P4HA2: variants seen among roughly 807,000 people sequenced by gnomAD.
P4HA2 encodes prolyl 4-hydroxylase subunit alpha 2.
A neutral mutation model predicts 76.9 loss-of-function variants in P4HA2; 46 were observed. The ratio of observed to expected loss-of-function variants is 0.60; its 90% confidence interval spans 0.47 to 0.76. The LOEUF (loss-of-function observed/expected upper bound fraction) is 0.76, where lower values mean the gene tolerates loss of function less well. Among genes scored for constraint, P4HA2 ranks in the 30% least tolerant of loss-of-function variants. P4HA2 has a pLI of 0.00. For synonymous variants in P4HA2, 243 were observed against 254.0 expected (o/e 0.96, Z 0.41); for missense variants, 583 against 669.4 (o/e 0.87, Z 1.42).
In P4HA2 at chr5:132,190,677, TA is replaced by T. The variant is rs1749826966; in HGVS notation, c.*2332del. ...TTGGGGTATAGAAGGATTTCTCAAATAAGACATAAAAAACATAAATCAAAAA... is the reference window on the plus strand; with the variant it reads ...TTGGGGTATAGAAGGATTTCTCAAATAGACATAAAAAACATAAATCAAAAA... On this transcript the variant is annotated 3_prime_UTR_variant, in exon 15 of 15. Transcript: ENST00000360568. Among the ~76,000 whole-genome samples the T allele has an allele frequency of 6.6e-6, 1 of 151,994 alleles. No individual in the cohort carries two copies. Among genetic ancestry groups the T allele is most frequent in the African/African-American group, 2.4e-5 (1 of 41,384 alleles).
At chr5:132,194,169 A>G (rs1750252658) in intron 14 of P4HA2, among the ~76,000 whole-genome samples, 1 of 152,144 alleles carries the variant, frequency 6.6e-6, no homozygotes, top group African/African-American at 2.4e-5. Context: ...AGTAATACTC[A>G]GTGTGTACAT....
chr5:132,204,925 C>T (rs1279586432), intron 8 of P4HA2, among the ~76,000 whole-genome samples: 1 of 152,186 alleles, frequency 6.6e-6, no homozygotes, highest in Non-Finnish European at 1.5e-5. Flanking sequence ...CCAGAGCCAG[C>T]CAACATGGCA....
At position 132,192,873 on chromosome 5, in the gene P4HA2, A is replaced by G. The variant is rs1330584627; in HGVS notation, c.*137T>C. 4 of 662,252 alleles carry G rather than the reference A, an allele frequency of 6.0e-6. No homozygotes were observed. The highest frequency in any genetic ancestry group is 2.3e-5 in the Admixed American group (1 of 44,378). 41.0% of individuals were successfully genotyped at this position (662,252 alleles called of 1,614,324 possible). A position where few individuals can be genotyped will look rare whatever the true frequency, so the allele number is the denominator to read the frequency against. Reference sequence around the variant, plus strand: ...TCAGTCACACAGGAGTCGCCCTAGTATGGTCTCCCTCTGCTCCAGACAAAC... The same window carrying G: ...TCAGTCACACAGGAGTCGCCCTAGTGTGGTCTCCCTCTGCTCCAGACAAAC... On this transcript the variant is annotated 3_prime_UTR_variant, in exon 15 of 15. Transcript: ENST00000360568.
At chr5:132,226,151 T>C (rs1194946547) in intron 1 of P4HA2, among the ~76,000 whole-genome samples, 2 of 152,182 alleles carry the variant, frequency 1.3e-5, no homozygotes, top group African/African-American at 4.8e-5. Context: ...TCCTAGTTCA[T>C]TTAACAGAGA....
intron 9 of P4HA2, 109 bp downstream of exon 9, chr5:132,203,973 G>T: frequency 8.8e-7 from 1 of 1,137,266 alleles, no homozygotes; most frequent in Non-Finnish European, 1.3e-6. Flanking sequence ...GCAAGGGGGT[G>T]AGGAGGTGCC....
chr5:132,211,816 T>G (rs1007744662), intron 5 of P4HA2, among the ~76,000 whole-genome samples: 17 of 152,334 alleles, frequency 1.1e-4, no homozygotes, highest in African/African-American at 4.1e-4. Flanking sequence ...TATCTAAGTC[T>G]CAGTCCCCTT....
intron 5 of P4HA2, among the ~76,000 whole-genome samples, chr5:132,213,147 G>A (rs1484371389): frequency 2.6e-5 from 4 of 152,184 alleles, no homozygotes; most frequent in Non-Finnish European, 5.9e-5. Context: ...AAGGAGGAGA[G>A]AACATCACAA....
chr5:132,217,722 C>T, intron 3 of P4HA2, 30 bp downstream of exon 3: 1 of 1,334,400 alleles, frequency 7.5e-7, no homozygotes, highest in South Asian at 1.2e-5. Context: ...GAAGGAAGGC[C>T]AACTAAGGAT....
chr5:132,212,900 C>T (rs955854154), intron 5 of P4HA2, among the ~76,000 whole-genome samples: 1 of 152,158 alleles, frequency 6.6e-6, no homozygotes, highest in Admixed American at 6.5e-5. Context: ...CTTGCAGGTG[C>T]CCTGAACTGC....
At chr5:132,207,469 G>A (rs1309387020) in intron 8 of P4HA2, among the ~76,000 whole-genome samples, 1 of 152,104 alleles carries the variant, frequency 6.6e-6, no homozygotes, top group Non-Finnish European at 1.5e-5. Flanking sequence ...CCTGTTCCCA[G>A]CGTGACCTTC....
In P4HA2 at chr5:132,217,814, C is replaced by T. The variant is rs1754133597; in HGVS notation, c.117G>A (p.Glu39=). ...TGTACTCTTTCAGAGACTGCACCAG[C>T]TCTTTCTCTGCATAAATCAGGTCAG... ...HMTDLIYAEK[E]LVQSLKEYIL... The change falls in exon 3 of 15, where the codon GAG becomes GAA. Residue 39 remains glutamate, a synonymous_variant. Coordinates refer to ENST00000360568, the MANE Select transcript of P4HA2 (RefSeq NM_001017974.2). The T allele has an allele frequency of 3.1e-6, 5 of 1,613,108 alleles. No individual in the cohort carries two copies. The highest frequency in any genetic ancestry group is 1.3e-5 in the African/African-American group (1 of 75,032).
intron 10 of P4HA2, chr5:132,203,492 T>C (rs1751788280): frequency 2.0e-6 from 1 of 489,148 alleles, no homozygotes; most frequent in South Asian, 2.4e-5. Context: ...GAACCTACCA[T>C]AACTACCCCT....
intron 1 of P4HA2, among the ~76,000 whole-genome samples, chr5:132,220,710 T>C (rs1399591002): frequency 6.6e-6 from 1 of 152,252 alleles, no homozygotes; most frequent in Non-Finnish European, 1.5e-5. Flanking sequence ...TGGCTTAGAC[T>C]GAGCCCATTC....
In P4HA2 at chr5:132,191,780, G is replaced by A. The variant is rs1749944339; in HGVS notation, c.*1230C>T. 1 of 152,104 alleles carries A rather than the reference G, an allele frequency of 6.6e-6. No individual in the cohort carries two copies. The highest frequency in any genetic ancestry group is 2.1e-4 in the South Asian group (1 of 4,832). 9.4% of individuals were successfully genotyped at this position (152,104 alleles called of 1,614,324 possible). On this transcript the variant is annotated 3_prime_UTR_variant, in exon 15 of 15. Coordinates refer to ENST00000360568, the MANE Select transcript of P4HA2 (RefSeq NM_001017974.2). ...CCTACAGAAATATGTGTTTATATGT[G>A]CACCAGGAATCATGTATAAAAATGT...
chr5:132,211,343 T>C (rs1266535155), intron 5 of P4HA2, among the ~76,000 whole-genome samples: 1 of 152,110 alleles, frequency 6.6e-6, no homozygotes, highest in Non-Finnish European at 1.5e-5. Flanking sequence ...CCTCAGAGAA[T>C]AATGAGAAAG....
At chr5:132,216,889 G>A (rs962471298) in intron 4 of P4HA2, among the ~76,000 whole-genome samples, 9 of 151,970 alleles carry the variant, frequency 5.9e-5, no homozygotes, top group African/African-American at 1.5e-4. Flanking sequence ...TGTGTTTTCC[G>A]ACTTTTCTAT....
chr5:132,206,725 C>T (rs1322088827), intron 8 of P4HA2, among the ~76,000 whole-genome samples: 2 of 152,178 alleles, frequency 1.3e-5, no homozygotes, highest in East Asian at 3.8e-4. Flanking sequence ...CCAGGAAATT[C>T]AGGAATGAGA....
intron 10 of P4HA2, 190 bp downstream of exon 10, chr5:132,203,558 T>TAACAA: frequency 1.7e-6 from 1 of 590,968 alleles, no homozygotes; most frequent in Admixed American, 2.8e-5. Flanking sequence ...AGATATTTGT[T>TAACAA]GAACACTAAT....
chr5:132,227,394 G>A (rs980001043), intron 1 of P4HA2: 2 of 152,308 alleles, frequency 1.3e-5, no homozygotes, highest in African/African-American at 4.8e-5. Flanking sequence ...AGGCCCCTCA[G>A]GGCCAGGCGG....
Sources: allele counts gnomAD v4.1 joint callset (sites outside exome capture counted in the v4.1 genomes callset), GRCh38; gene constraint gnomAD v4.1.1; transcripts MANE v1.5; gene names NCBI Gene and HGNC (gene_info 2026-07-23, HGNC 2026-07-21).